The following TTN variants were observed in gnomAD, a reference collection of about 807,000 sequenced individuals.
TTN encodes titin.
In TTN, 1,525 loss-of-function variants were observed where a neutral mutation model predicts 3,223.0. The ratio of observed to expected loss-of-function variants is 0.47; its 90% CI spans 0.45 to 0.49. The LOEUF (loss-of-function observed/expected upper bound fraction) is 0.49. Among genes scored for constraint, TTN ranks in the 20% least tolerant of loss-of-function variants. TTN has a pLI of 0.00. For synonymous variants in TTN, 14,094 were observed against 15,161.0 expected, an observed-to-expected ratio of 0.93 and a Z score of 5.17; for missense variants, 40,786 against 43,424.0, an observed-to-expected ratio of 0.94 and a Z score of 5.40.
rs566373563 is a variant in TTN, at chr2:178,614,019, CT to C, written c.49345+32del. The C allele has an allele frequency of 5.6e-4, 799 of 1,439,350 alleles. No homozygotes were observed. Among genetic ancestry groups the C allele is most frequent in the Admixed American group, 3.1e-3 (160 of 52,260 alleles). 89.2% of individuals were successfully genotyped at this position (1,439,350 alleles called of 1,614,324 possible). On this transcript the variant is annotated intron_variant, in intron 262 of 362. Transcript: ENST00000589042. ...AAAATGCAAGTTTGACATAAGCATC[CT>C]TTTTTTTTTATCAGCTGATTGAGAA...
chr2:178,548,644 A>G lies in TTN; in HGVS notation c.92982T>C (p.Tyr30994=). 6.2e-7 allele frequency: 1 copy of G among 1,613,870 alleles called. No homozygotes were observed. Among genetic ancestry groups the G allele is most frequent in the South Asian group, 1.1e-5 (1 of 91,084 alleles). ...ENCNRNDAGK[Y]TLTVENNSGS... ...CACTGTTGTTTTCCACAGTAAGGGT[A>G]TATTTCCCTGCATCATTTCTGTTGC... is the stretch of plus-strand genomic sequence containing the variant. The change falls in exon 339 of 363, where the codon TAT becomes TAC. Residue 30994 remains tyrosine, a synonymous_variant. Coordinates refer to ENST00000589042, the MANE Select transcript of TTN (RefSeq NM_001267550.2). The surrounding 1 kb of genome is among the most constrained non-coding windows in gnomAD (Gnocchi z 4.3).
chr2:178,612,114 C>T lies in TTN; in HGVS notation c.50297G>A (p.Arg16766Gln), dbSNP rs747224934. ...TGGCTCCCACTTTAGGTCAACATGT[C>T]GTTTTGTCACATCAACCACTGCCAG... is the stretch of plus-strand genomic sequence containing the variant. ...YALAVVDVTK[R>Q]HVDLKWEPPK... Residue 16766 changes from arginine to glutamine, a missense_variant, in exon 267 of 363, where the codon CGA (arginine) becomes CAA (glutamine). Coordinates refer to ENST00000589042, the MANE Select transcript of TTN (RefSeq NM_001267550.2). 3.7e-5 allele frequency: 60 copies of T among 1,611,850 alleles called. No individual in the cohort carries two copies. The highest frequency in any genetic ancestry group is 1.6e-4 in the African/African-American group (12 of 74,802).
At chr2:178,736,713 A>G (rs1479190796) in intron 49 of TTN, among the ~76,000 whole-genome samples, 1 of 152,140 alleles carries the variant, frequency 6.6e-6, no homozygotes, top group Non-Finnish European at 1.5e-5. Context: ...TGAAGCTTCA[A>G]TATTAGTCGC....
At position 178,642,224 on chromosome 2, in the gene TTN, A is replaced by G. The variant is rs1277099678; in HGVS notation, c.40558+13T>C. 1.2e-5 allele frequency: 19 copies of G among 1,568,248 alleles called. No individual in the cohort carries two copies. Among genetic ancestry groups the G allele is most frequent in the Admixed American group, 1.9e-5 (1 of 53,588 alleles). On this transcript the variant is annotated intron_variant, in intron 219 of 362. Coordinates refer to ENST00000589042, the MANE Select transcript of TTN (RefSeq NM_001267550.2). ...ATACTTAACGCTGACAGAATGGTTG[A>G]AAAATACTATACCGCTTTTCAGAAC... is the stretch of plus-strand genomic sequence containing the variant.
At chr2:178,798,442 T>A (rs1323882250) in intron 6 of TTN, 1 of 152,182 alleles carries the variant, frequency 6.6e-6, no homozygotes, top group East Asian at 1.9e-4. Context: ...TACTTCCATA[T>A]TAAGTAAGCA....
chr2:178,748,294 T>C (rs759864913), intron 47 of TTN: 2 of 1,612,716 alleles, frequency 1.2e-6, no homozygotes, highest in Non-Finnish European at 1.7e-6. Flanking sequence ...GTCGGACTTC[T>C]TTTTCTAAAG....
In TTN at chr2:178,776,883, T is replaced by C. The variant is rs749438439; in HGVS notation, c.4981A>G (p.Ile1661Val). ...GCTCTATATGTCCCCCGTGGGATGA[T>C]TAACTTTCTCTCTGGCTCAGGCTCT... is the stretch of plus-strand genomic sequence containing the variant. ...FAEPEPERKL[I>V]IPRGTYRAKE... The change falls in exon 28 of 363, where the codon ATC becomes GTC. Residue 1661 changes from isoleucine (I) to valine (V), a missense_variant. By Grantham distance (29) the Ile-to-Val change is conservative (BLOSUM62 3). Transcript: ENST00000589042. 28 of 1,612,802 alleles carry C rather than the reference T, an allele frequency of 1.7e-5. No individual in the cohort carries two copies. Among genetic ancestry groups the C allele is most frequent in the Non-Finnish European group, 2.4e-5 (28 of 1,179,532 alleles).
chr2:178,625,721 G>T (rs570738037), intron 240 of TTN, among the ~76,000 whole-genome samples: 1 of 151,924 alleles, frequency 6.6e-6, no homozygotes, highest in African/African-American at 2.4e-5. Flanking sequence ...TCATGCTGCT[G>T]TAAAGACACA....
rs375181938 is a variant in TTN at position 178,582,129 on chromosome 2, T to G, written c.66240A>C (p.Ala22080=). The G allele has an allele frequency of 5.0e-6, 8 of 1,612,754 alleles. No individual in the cohort carries two copies. The African/African-American group carries it at 1.1e-4, about 22-fold the overall frequency. The part of the protein sequence containing the change: ...DHMTVSWKPP[A]DDGGSPITGY... ...CAGTGATGGGTGAGCCCCCATCATC[T>G]GCTGGTGGCTTCCAGCTGACTGTCA... The change falls in exon 315 of 363, where the codon GCA becomes GCC. Residue 22080 remains alanine (A), a synonymous_variant. Transcript: ENST00000589042.
At position 178,730,241 on chromosome 2, in the gene TTN, G is replaced by A. The variant is rs2080192781; in HGVS notation, c.18159C>T (p.His6053=). 5 of 1,613,266 alleles carry A rather than the reference G, an allele frequency of 3.1e-6. No homozygotes were observed. The highest frequency in any genetic ancestry group is 1.3e-5 in the African/African-American group (1 of 74,890). Residue 6053 remains histidine, a synonymous_variant, in exon 62 of 363, where the codon CAC becomes CAT. Coordinates refer to ENST00000589042, the MANE Select transcript of TTN (RefSeq NM_001267550.2). ...TCCAAACTGAGCGGGCTGCTCCTGAGTGTAACTCTTTGTTATCTTTAAACC... is the reference window on the plus strand; with the variant it reads ...TCCAAACTGAGCGGGCTGCTCCTGAATGTAACTCTTTGTTATCTTTAAACC... The part of the protein sequence containing the change: ...IKWFKDNKEL[H]SGAARSVWKD...
At chr2:178,772,279 C>CTTACTTATAA (rs2091628973) in intron 33 of TTN, among the ~76,000 whole-genome samples, 1 of 152,022 alleles carries the variant, frequency 6.6e-6, no homozygotes, top group Non-Finnish European at 1.5e-5. Flanking sequence ...AATCTTATAA[C>CTTACTTATAA]GTAAGTAAGT....
At chr2:178,529,384 A>G in intron 359 of TTN, 165 bp from the exon 360 acceptor site, 1 of 490,740 alleles carries the variant, frequency 2.0e-6, no homozygotes, top group East Asian at 3.2e-5. Flanking sequence ...GAAAATTATC[A>G]TGTGTGACTT....
rs1419821413 is a variant in TTN at position 178,776,238 on chromosome 2, G to A, written c.5626C>T (p.Leu1876Phe). The change falls in exon 28 of 363, where the codon CTC becomes TTC. Residue 1876 changes from leucine to phenylalanine, a missense_variant. Transcript: ENST00000589042. Reference protein sequence around the residue: ...GYPQPKVNWYLNGQLIRKSKR... With the variant: ...GYPQPKVNWYFNGQLIRKSKR... ...CTTTTGCGGATGAGCTGTCCATTGAGGTACCAGTTGACTTTGGGCTGAGGG... is the reference window on the plus strand; with the variant it reads ...CTTTTGCGGATGAGCTGTCCATTGAAGTACCAGTTGACTTTGGGCTGAGGG... 1 of 1,614,148 alleles carries A rather than the reference G, an allele frequency of 6.2e-7. No homozygotes were observed. Among genetic ancestry groups the A allele is most frequent in the Non-Finnish European group, 8.5e-7 (1 of 1,180,004 alleles).
intron 2 of TTN, among the ~76,000 whole-genome samples, chr2:178,802,619 T>TCCTG (rs924089987): frequency 2.0e-5 from 3 of 152,300 alleles, no homozygotes; most frequent in South Asian, 2.1e-4. Flanking sequence ...AATTTCCATC[T>TCCTG]CCTGCCTGCC....
chr2:178,701,662 T>A, intron 109 of TTN, 75 bp from the exon 110 acceptor site: 1 of 1,419,320 alleles, frequency 7.0e-7, no homozygotes. Context: ...TGTGTTTGAT[T>A]TATTAGATCC....
In TTN at chr2:178,611,463, T is replaced by C; in HGVS notation, c.50766A>G (p.Lys16922=). The change falls in exon 269 of 363, where the codon AAA becomes AAG. Residue 16922 remains lysine (K), a synonymous_variant. Transcript: ENST00000589042. The part of the protein sequence containing the change: ...FKVEEGVVPD[K]EYVLRVRAVN... ...CTGCTCTCACTCTCAGGACATATTC[T>C]TTGTCAGGAACAACACCTTCTTCAA... is the stretch of plus-strand genomic sequence containing the variant. 1 of 1,612,944 alleles carries C rather than the reference T, an allele frequency of 6.2e-7. No individual in the cohort carries two copies. Among genetic ancestry groups the C allele is most frequent in the South Asian group, 1.1e-5 (1 of 91,058 alleles).
intron 241 of TTN, 90 bp from the exon 242 acceptor site, chr2:178,624,821 C>T: frequency 1.4e-6 from 2 of 1,451,050 alleles, no homozygotes; most frequent in African/African-American, 1.4e-5. Context: ...ATCTCCAGGG[C>T]TTTGTTCTGT....
rs1454108057 is a variant in TTN, at chr2:178,595,572, T to G, written c.57782A>C (p.Glu19261Ala). ...AAATGGACCCATGCCAATACTATTT[T>G]CAGCCGCAATTCGGAAAAAGTAGGC... ...GKAYFFRIAA[E>A]NSIGMGPFVE... Residue 19261 changes from glutamate to alanine, a missense_variant, in exon 295 of 363, where the codon GAA (glutamate) becomes GCA (alanine). Physicochemically the swap from Glu to Ala is moderately radical, Grantham distance 107 (BLOSUM62 -1). Transcript: ENST00000589042. 1 of 1,576,780 alleles carries G rather than the reference T, an allele frequency of 6.3e-7. No homozygotes were observed. Among genetic ancestry groups the G allele is most frequent in the Non-Finnish European group, 8.6e-7 (1 of 1,159,436 alleles).
Position 178,601,527 on chromosome 2 carries a change from A to C in TTN, c.55470T>G (p.Asp18490Glu). The C allele has an allele frequency of 6.2e-7, 1 of 1,612,702 alleles. No homozygotes were observed. The highest frequency in any genetic ancestry group is 1.7e-5 in the Admixed American group (1 of 59,968). Residue 18490 changes from aspartate to glutamate, a missense_variant, in exon 287 of 363, where the codon GAT becomes GAG. Coordinates refer to ENST00000589042, the MANE Select transcript of TTN (RefSeq NM_001267550.2). ...PGPPKDLKVS[D>E]ITRGSCRLSW... ...AAAGTCTGCAACTACCCCTTGTGAT[A>C]TCACTGACTTTCAGATCTTTGGGTG...
Sources: allele counts gnomAD v4.1 joint callset (sites outside exome capture counted in the v4.1 genomes callset), GRCh38; gene constraint gnomAD v4.1.1; non-coding constraint Gnocchi (gnomAD v3.1); transcripts MANE v1.5; gene names NCBI Gene and HGNC (gene_info 2026-07-23, HGNC 2026-07-21).